The following BTBD10 variants were observed in gnomAD, a reference collection of about 807,000 sequenced individuals.
BTBD10 encodes the protein BTB/POZ domain-containing protein 10.
BTBD10 carries 21 observed loss-of-function variants against 53.2 expected under a neutral mutation model. The observed-to-expected ratio is 0.39, with a 90% CI of 0.28 to 0.57. The LOEUF (loss-of-function observed/expected upper bound fraction) is 0.57, where lower values mean the gene tolerates loss of function less well. Ranked by LOEUF, BTBD10 falls within the 20% of genes least tolerant of loss-of-function variation. The pLI, the probability that BTBD10 is intolerant of heterozygous loss-of-function variation, is 0.53. For synonymous variants in BTBD10, 149 were observed against 192.7 expected (o/e 0.77, Z 1.88); for missense variants, 360 against 594.7 (o/e 0.61, Z 4.10).
chr11:13,397,131 T>C lies in BTBD10; in HGVS notation c.1117+6037A>G, dbSNP rs60287767. 4.4e-3 allele frequency among the ~76,000 whole-genome samples: 664 copies of C among 152,338 alleles called. 7 individuals carry two copies. Among genetic ancestry groups the C allele is most frequent in the African/African-American group, 0.015 (607 of 41,572 alleles). ...AGAAGGAATGGTACCAGCTCCTCCTTGTACCTCTGGTAGAATTTGTCTGTG... is the reference window on the plus strand; with the variant it reads ...AGAAGGAATGGTACCAGCTCCTCCTCGTACCTCTGGTAGAATTTGTCTGTG... On this transcript the variant is annotated intron_variant, in intron 8 of 8. Coordinates refer to ENST00000278174, the MANE Select transcript of BTBD10 (RefSeq NM_032320.7).
chr11:13,422,963 TC>T (rs1950271509), intron 2 of BTBD10, among the ~76,000 whole-genome samples: 1 of 152,190 alleles, frequency 6.6e-6, no homozygotes, highest in Admixed American at 6.5e-5. Flanking sequence ...TCAAGAGTTA[TC>T]CCAACTTCCA....
chr11:13,413,756 C>A, intron 5 of BTBD10, 106 bp from the exon 6 acceptor site: 1 of 1,046,708 alleles, frequency 9.6e-7, no homozygotes, highest in South Asian at 2.3e-5. Flanking sequence ...GTAGAGAACT[C>A]TGACATCTCT....
At chr11:13,409,737 T>C (rs1458257768) in intron 6 of BTBD10, among the ~76,000 whole-genome samples, 1 of 152,210 alleles carries the variant, frequency 6.6e-6, no homozygotes, top group Non-Finnish European at 1.5e-5. Flanking sequence ...CTTCTAATAA[T>C]ATCTCATTTC....
At chr11:13,436,534 C>T (rs796315615) in intron 2 of BTBD10, among the ~76,000 whole-genome samples, 30 of 152,268 alleles carry the variant, frequency 2.0e-4, no homozygotes, top group African/African-American at 7.2e-4. Flanking sequence ...GCACCTTAAT[C>T]CTCAAAACCA....
chr11:13,392,886 G>A (rs186002393), intron 8 of BTBD10, among the ~76,000 whole-genome samples: 58 of 152,300 alleles, frequency 3.8e-4, no homozygotes, highest in South Asian at 1.4e-3. Flanking sequence ...ACAGAAGAGA[G>A]CTTTCTACTG....
At chr11:13,396,309 T>A (rs1949550735) in intron 8 of BTBD10, among the ~76,000 whole-genome samples, 1 of 152,208 alleles carries the variant, frequency 6.6e-6, no homozygotes, top group Admixed American at 6.5e-5. Flanking sequence ...CAATTGTGAA[T>A]GGGAGTTCAC....
intron 2 of BTBD10, among the ~76,000 whole-genome samples, chr11:13,433,326 G>A (rs888053391): frequency 5.9e-5 from 9 of 152,158 alleles, no homozygotes; most frequent in Non-Finnish European, 4.4e-5. Flanking sequence ...TTCAGAAGGT[G>A]TCCTGTCCCA....
intron 8 of BTBD10, among the ~76,000 whole-genome samples, chr11:13,398,219 G>T (rs550878503): frequency 1.3e-5 from 2 of 152,048 alleles, no homozygotes; most frequent in African/African-American, 4.8e-5. Context: ...TATGAATCTG[G>T]GTGCTCCTCT....
At chr11:13,446,000 C>T (rs1386793562) in intron 1 of BTBD10, among the ~76,000 whole-genome samples, 4 of 152,080 alleles carry the variant, frequency 2.6e-5, no homozygotes, top group Non-Finnish European at 5.9e-5. Flanking sequence ...GATCACAATG[C>T]TGCTAAATGG....
chr11:13,461,434 T>A (rs1565279308), intron 1 of BTBD10, among the ~76,000 whole-genome samples: 2 of 152,216 alleles, frequency 1.3e-5, no homozygotes, highest in African/African-American at 4.8e-5. Flanking sequence ...ATTTCCCTCA[T>A]TTTCATTATC....
intron 5 of BTBD10, among the ~76,000 whole-genome samples, chr11:13,415,334 T>C (rs540872976): frequency 6.6e-6 from 1 of 152,238 alleles, no homozygotes; most frequent in Admixed American, 6.5e-5. Context: ...GAAAGCAGAT[T>C]GTTGGCAAAC....
intron 1 of BTBD10, among the ~76,000 whole-genome samples, chr11:13,460,686 T>A (rs912431096): frequency 6.6e-6 from 1 of 152,208 alleles, no homozygotes; most frequent in African/African-American, 2.4e-5. Context: ...TCCACCCAGT[T>A]CTTTCCATCC....
chr11:13,439,823 T>C, intron 2 of BTBD10: 4 of 1,348,806 alleles, frequency 3.0e-6, no homozygotes, highest in Non-Finnish European at 3.9e-6. Flanking sequence ...AATCTTTCTT[T>C]CAAATTCATA....
At chr11:13,391,146 T>A (rs1949396010) in intron 8 of BTBD10, among the ~76,000 whole-genome samples, 1 of 152,212 alleles carries the variant, frequency 6.6e-6, no homozygotes. Context: ...TCTGTACTCC[T>A]CAGAATATTA....
intron 5 of BTBD10, among the ~76,000 whole-genome samples, chr11:13,415,549 G>A (rs1220438550): frequency 6.7e-6 from 1 of 149,930 alleles, no homozygotes; most frequent in Non-Finnish European, 1.5e-5. Context: ...CAAGGCCTTT[G>A]CTCACTAGAA....
intron 2 of BTBD10, chr11:13,439,914 C>CA: frequency 6.5e-7 from 1 of 1,533,676 alleles, no homozygotes; most frequent in Non-Finnish European, 8.7e-7. Context: ...GGTAGACACA[C>CA]AAAAACAAGA....
In BTBD10 at chr11:13,457,769, G is replaced by A. The variant is rs536297402; in HGVS notation, c.-58+5323C>T. Among the ~76,000 whole-genome samples the A allele has an allele frequency of 1.1e-3, 173 of 152,104 alleles. 1 individual carries two copies. The highest frequency in any genetic ancestry group is 3.9e-3 in the Admixed American group (59 of 15,290). On this transcript the variant is annotated intron_variant, in intron 1 of 8. Coordinates refer to ENST00000278174, the MANE Select transcript of BTBD10 (RefSeq NM_032320.7). ...TACATACTCCAAATAAATTAATAAG[G>A]GGTGTATGTAATATTCATATGTGTA...
chr11:13,399,325 C>T (rs1949646855), intron 8 of BTBD10, among the ~76,000 whole-genome samples: 1 of 152,200 alleles, frequency 6.6e-6, no homozygotes, highest in Admixed American at 6.5e-5. Flanking sequence ...ACCCTTTCTT[C>T]CAGTTGATCG....
intron 8 of BTBD10, among the ~76,000 whole-genome samples, chr11:13,401,872 C>G (rs370574613): frequency 6.6e-6 from 1 of 152,290 alleles, no homozygotes; most frequent in South Asian, 2.1e-4. Flanking sequence ...AAATCTCCTC[C>G]TCATTTATTA....
Sources: gnomAD v4.1 joint callset for allele counts (sites outside exome capture counted in the v4.1 genomes callset) on GRCh38, gnomAD v4.1.1 for gene constraint, MANE v1.5 for transcripts, NCBI Gene and HGNC (gene_info 2026-07-23, HGNC 2026-07-21) for gene names.